CSNK1A1: variants seen among roughly 807,000 people sequenced by gnomAD.
CSNK1A1 encodes the protein casein kinase I isoform alpha.
Under a neutral mutation model 46.1 loss-of-function variants are expected in CSNK1A1, and 7 were observed. The observed-to-expected ratio is 0.15, with a 90% CI of 0.09 to 0.29. The LOEUF is 0.29. CSNK1A1 is among the 10% of genes least tolerant of loss of function. The pLI is 1.00. For synonymous variants in CSNK1A1, 137 were observed against 141.5 expected (o/e 0.97, Z 0.23); for missense variants, 96 against 417.1 (o/e 0.23, Z 6.71).
rs766559666 is a variant in CSNK1A1, at chr5:149,511,809, T to C, written c.660A>G (p.Pro220=). 7.5e-6 allele frequency: 12 copies of C among 1,608,574 alleles called. No individual in the cohort carries two copies. Among genetic ancestry groups the C allele is most frequent in the Non-Finnish European group, 1.0e-5 (12 of 1,177,286 alleles). The part of the protein sequence containing the change: ...VLMYFNRTSL[P]WQGLKAATKK... ...TCTGGTTTACCTTTAGCCCTTGCCA[T>C]GGCAGGCTGGTTCTATTAAAATACA... Residue 220 remains proline (P), a synonymous_variant, in exon 6 of 10, where the codon CCA becomes CCG. Coordinates refer to ENST00000377843, the MANE Select transcript of CSNK1A1 (RefSeq NM_001892.6).
intron 2 of CSNK1A1, among the ~76,000 whole-genome samples, chr5:149,540,949 G>A (rs376326840): frequency 6.6e-6 from 1 of 151,808 alleles, no homozygotes; most frequent in Middle Eastern, 3.4e-3. Flanking sequence ...GTATGGTGGC[G>A]GGCACCTGTA....
chr5:149,544,061 G>C (rs1762387688), intron 2 of CSNK1A1, among the ~76,000 whole-genome samples: 1 of 152,086 alleles, frequency 6.6e-6, no homozygotes, highest in South Asian at 2.1e-4. Flanking sequence ...GGATCAATGA[G>C]GCCAGTGACA....
intron 8 of CSNK1A1, 54 bp downstream of exon 8, chr5:149,506,973 T>C: frequency 7.3e-7 from 1 of 1,377,996 alleles, no homozygotes; most frequent in Non-Finnish European, 1.0e-6. Flanking sequence ...GTTAGGTAAA[T>C]TTAACCAATT....
Position 149,517,303 on chromosome 5 carries a change from A to G in CSNK1A1, c.456+2987T>C, listed in dbSNP as rs1408920495. On this transcript the variant is annotated intron_variant, in intron 4 of 9. Transcript: ENST00000377843. This position sits in a 1 kb window ranked among gnomAD's most constrained non-coding sequence, Gnocchi z 4.4. ...AATACAGACTGAGGAAATAAGTTCT[A>G]GAAACACTAGATCTGAAATCTGATC... 1.4e-5 allele frequency among the ~76,000 whole-genome samples: 2 copies of G among 144,770 alleles called. No homozygotes were observed. Among genetic ancestry groups the G allele is most frequent in the African/African-American group, 5.1e-5 (2 of 39,034 alleles). 95.0% of individuals were successfully genotyped at this position (144,770 alleles called of 152,430 possible).
intron 3 of CSNK1A1, among the ~76,000 whole-genome samples, chr5:149,522,672 T>G (rs1425483985): frequency 6.6e-6 from 1 of 152,204 alleles, no homozygotes; most frequent in East Asian, 1.9e-4. Flanking sequence ...CTTACACCTG[T>G]TACCTGTCAA....
Position 149,502,708 on chromosome 5 carries a change from T to C in CSNK1A1, c.1006+2739A>G, listed in dbSNP as rs924767091. The stretch of plus-strand genomic sequence containing the variant: ...TTAACAAGAAAACCCCAGTAGGATG[T>C]TTTCATCATTATTAAAACGATTTAT... On this transcript the variant is annotated intron_variant, in intron 9 of 9. Coordinates refer to ENST00000377843, the MANE Select transcript of CSNK1A1 (RefSeq NM_001892.6). 7 of 984,748 alleles carry C rather than the reference T, an allele frequency of 7.1e-6. No homozygotes were observed. The African/African-American group carries it at 1.2e-4, about 17-fold the overall frequency. The allele number at this position is 984,748 out of a possible 1,614,324, so 61.0% of individuals were successfully genotyped here. A position where few individuals can be genotyped will look rare whatever the true frequency, so the allele number is the denominator to read the frequency against.
chr5:149,514,098 T>C (rs1368589444), intron 4 of CSNK1A1, among the ~76,000 whole-genome samples: 1 of 152,166 alleles, frequency 6.6e-6, no homozygotes, highest in African/African-American at 2.4e-5. Context: ...TCTGGAAAAT[T>C]TAACAAGTTG....
intron 9 of CSNK1A1, chr5:149,498,444 T>C (rs1385867891): frequency 1.7e-5 from 17 of 985,226 alleles, no homozygotes; most frequent in Non-Finnish European, 2.0e-5. Flanking sequence ...AACCAAACCT[T>C]AATAAAAATC....
intron 9 of CSNK1A1, among the ~76,000 whole-genome samples, chr5:149,499,991 C>T (rs1388039804): frequency 9.2e-6 from 1 of 108,520 alleles, no homozygotes; most frequent in African/African-American, 4.0e-5. Context: ...TTTTTTGAGA[C>T]GGAGTCTCGC....
In CSNK1A1 at chr5:149,525,111, G is replaced by A. The variant is rs973073533; in HGVS notation, c.291C>T (p.Leu97=). The A allele has an allele frequency of 2.2e-5, 36 of 1,613,122 alleles. No individual in the cohort carries two copies. The highest frequency in any genetic ancestry group is 4.5e-5 in the East Asian group (2 of 44,804). Residue 97 remains leucine (L), a synonymous_variant, in exon 3 of 10, where the codon CTC becomes CTT. Transcript: ENST00000377843. The surrounding 1 kb of genome is among the most constrained non-coding windows in gnomAD (Gnocchi z 4.2). ...VLVMDLLGPS[L]EDLFNFCSRR... ...TTGAACAGAAATTGAAGAGGTCTTC[G>A]AGGCTAGGTCCCAGAAGATCCATGA... is the stretch of plus-strand genomic sequence containing the variant.
In CSNK1A1 at chr5:149,498,551, G is replaced by T. The variant is rs1056310587; in HGVS notation, c.1007-1691C>A. 5 of 984,926 alleles carry T rather than the reference G, an allele frequency of 5.1e-6. No homozygotes were observed. In the African/African-American group the frequency reaches 8.7e-5, roughly 17 times the overall value. 61.0% of individuals were successfully genotyped at this position (984,926 alleles called of 1,614,324 possible). ...AAAAAAGAAAAAAAGTACAATACAG[G>T]ATAAGCTATGCAGGTTAAGAAACTA... On this transcript the variant is annotated intron_variant, in intron 9 of 9. Coordinates refer to ENST00000377843, the MANE Select transcript of CSNK1A1 (RefSeq NM_001892.6).
At position 149,509,107 on chromosome 5, in the gene CSNK1A1, T is replaced by A. The variant is rs1419088719; in HGVS notation, c.750+772A>T. The stretch of plus-strand genomic sequence containing the variant: ...GCCAGGCTAATTTTTGCATTTTTTG[T>A]AGCGATGGGGTTTCACCATGTTGCC... On this transcript the variant is annotated intron_variant, in intron 7 of 9. Transcript: ENST00000377843. Among the ~76,000 whole-genome samples, 3 of 151,902 alleles carry A rather than the reference T, an allele frequency of 2.0e-5. No individual in the cohort carries two copies. In the East Asian group the frequency reaches 5.8e-4, roughly 29 times the overall value.
chr5:149,523,872 C>G (rs1002872420), intron 3 of CSNK1A1, among the ~76,000 whole-genome samples: 5 of 152,174 alleles, frequency 3.3e-5, no homozygotes, highest in Non-Finnish European at 5.9e-5. Context: ...CTATTGTTAA[C>G]TATAATTTCC....
intron 9 of CSNK1A1, chr5:149,501,862 G>C (rs981116553): frequency 1.0e-6 from 1 of 972,842 alleles, no homozygotes; most frequent in South Asian, 4.8e-5. Context: ...TAGTCAAAGG[G>C]AGTGAAATAA....
chr5:149,526,562 C>T (rs1761731025), intron 2 of CSNK1A1, among the ~76,000 whole-genome samples: 1 of 152,104 alleles, frequency 6.6e-6, no homozygotes, highest in Admixed American at 6.6e-5. Context: ...CTGATAAATG[C>T]CAATGATTCA....
intron 2 of CSNK1A1, among the ~76,000 whole-genome samples, chr5:149,527,832 G>A (rs549616985): frequency 2.6e-5 from 4 of 152,200 alleles, no homozygotes; most frequent in East Asian, 1.9e-4. Context: ...GTAAGAAGGC[G>A]CAAAAAGTCA....
chr5:149,528,993 G>A (rs1016542046), intron 2 of CSNK1A1, among the ~76,000 whole-genome samples: 7 of 152,088 alleles, frequency 4.6e-5, no homozygotes, highest in African/African-American at 1.7e-4. Flanking sequence ...AGTACAAGAC[G>A]TGTTGCTACT....
At chr5:149,542,789 G>C (rs1452247476) in intron 2 of CSNK1A1, among the ~76,000 whole-genome samples, 1 of 139,736 alleles carries the variant, frequency 7.2e-6, no homozygotes, top group African/African-American at 2.7e-5. Context: ...TCTGCCTCCC[G>C]GGCTCAAGCA....
In CSNK1A1 at chr5:149,550,831, C is replaced by A. The variant is rs1762637088; in HGVS notation, c.123+11G>T. Reference sequence around the variant, plus strand: ...CGCAGCGTTATCGTGAACCCCACCCCAGATGATTACCTCGCCGTTGGTGAT... The same window carrying A: ...CGCAGCGTTATCGTGAACCCCACCCAAGATGATTACCTCGCCGTTGGTGAT... On this transcript the variant is annotated intron_variant, in intron 1 of 9. Transcript: ENST00000377843. The surrounding 1 kb of genome is among the most constrained non-coding windows in gnomAD (Gnocchi z 4.3). 6.2e-7 allele frequency: 1 copy of A among 1,613,876 alleles called. No homozygotes were observed. Among genetic ancestry groups the A allele is most frequent in the East Asian group, 2.2e-5 (1 of 44,854 alleles).
Sources: gnomAD v4.1 joint callset for allele counts (sites outside exome capture counted in the v4.1 genomes callset) on GRCh38, gnomAD v4.1.1 for gene constraint, Gnocchi (gnomAD v3.1) non-coding constraint, MANE v1.5 for transcripts, NCBI Gene and HGNC (gene_info 2026-07-23, HGNC 2026-07-21) for gene names.